Variants in RBFOX1 observed in about 807,000 individuals in gnomAD.
The protein encoded by RBFOX1 is RNA binding fox-1 homolog 1.
In RBFOX1, 8 loss-of-function variants were observed where a neutral mutation model predicts 57.7. That is an observed-to-expected ratio of 0.14 (90% CI 0.08 to 0.25). The LOEUF (loss-of-function observed/expected upper bound fraction) is 0.25. Among genes scored for constraint, RBFOX1 ranks in the 10% least tolerant of loss-of-function variants. The probability of loss-of-function intolerance (pLI) is 1.00; values close to 1 mark genes in which losing one functional copy is unlikely to be tolerated. For synonymous variants in RBFOX1, 326 were observed against 222.4 expected (o/e 1.47, Z -4.15); for missense variants, 611 against 548.5 (o/e 1.11, Z -1.14).
At chr16:7,044,911 G>A (rs1456464522) in intron 3 of RBFOX1, among the ~76,000 whole-genome samples, 2 of 152,106 alleles carry the variant, frequency 1.3e-5, no homozygotes, top group Non-Finnish European at 2.9e-5. Context: ...TTTTTTAAGA[G>A]CCTCATTAGT....
At chr16:5,333,328 C>T (rs1468581004) in intron 1 of RBFOX1, among the ~76,000 whole-genome samples, 1 of 152,212 alleles carries the variant, frequency 6.6e-6, no homozygotes, top group African/African-American at 2.4e-5. Context: ...CATGGTCACG[C>T]CCATTCGTTT....
At chr16:7,704,380 G>C (rs1004496652) in intron 14 of RBFOX1, among the ~76,000 whole-genome samples, 1 of 152,172 alleles carries the variant, frequency 6.6e-6, no homozygotes, top group Non-Finnish European at 1.5e-5. Flanking sequence ...TCACAGAAAT[G>C]ATGTAAAAAG....
At chr16:6,933,587 C>A (rs1027551844) in intron 3 of RBFOX1, among the ~76,000 whole-genome samples, 1 of 152,150 alleles carries the variant, frequency 6.6e-6, no homozygotes, top group Admixed American at 6.5e-5. Flanking sequence ...GTGGCAAGCA[C>A]CTGTCATCCC....
chr16:6,106,555 G>A (rs898509558), intron 1 of RBFOX1, among the ~76,000 whole-genome samples: 1 of 151,786 alleles, frequency 6.6e-6, no homozygotes, highest in Admixed American at 6.6e-5. Flanking sequence ...GACCTTCAAT[G>A]AGACGGTCAT....
In RBFOX1 at chr16:6,019,441, G is replaced by T; in HGVS notation, c.-678G>T. On this transcript the variant is annotated 5_prime_UTR_variant, in exon 1 of 16. Transcript: ENST00000550418. The surrounding 1 kb of genome is among the most constrained non-coding windows in gnomAD (Gnocchi z 4.2). The stretch of plus-strand genomic sequence containing the variant: ...GCGGACGGAGCCCAGGGGCCGCGTC[G>T]GGTGGGGAAACCCGAACTCGCGGAG... 2 of 989,672 alleles carry T rather than the reference G, an allele frequency of 2.0e-6. No individual in the cohort carries two copies. Among genetic ancestry groups the T allele is most frequent in the Non-Finnish European group, 2.4e-6 (2 of 833,048 alleles). The allele number at this position is 989,672 out of a possible 1,614,324, so 61.3% of individuals were successfully genotyped here.
intron 4 of RBFOX1, among the ~76,000 whole-genome samples, chr16:7,330,862 C>A (rs571322356): frequency 1.3e-5 from 2 of 152,134 alleles, no homozygotes; most frequent in Non-Finnish European, 2.9e-5. Flanking sequence ...GGGAGAGACA[C>A]GTCCGTCTCA....
intron 2 of RBFOX1, among the ~76,000 whole-genome samples, chr16:6,415,308 A>G (rs1426120095): frequency 6.6e-6 from 1 of 151,702 alleles, no homozygotes; most frequent in Non-Finnish European, 1.5e-5. Context: ...ACAGGGTACT[A>G]GTGTTACCCC....
At chr16:7,124,717 A>G (rs566265133) in intron 4 of RBFOX1, among the ~76,000 whole-genome samples, 13 of 152,036 alleles carry the variant, frequency 8.6e-5, no homozygotes, top group African/African-American at 2.7e-4. Flanking sequence ...AAAAGACTCT[A>G]TATCACATAC....
intron 4 of RBFOX1, among the ~76,000 whole-genome samples, chr16:7,276,749 G>T (rs377734621): frequency 6.6e-6 from 1 of 152,076 alleles, no homozygotes; most frequent in Admixed American, 6.5e-5. Flanking sequence ...TCCCACCTAC[G>T]TTAAGACTGA....
chr16:6,568,915 G>A (rs2097305267), intron 2 of RBFOX1, among the ~76,000 whole-genome samples: 1 of 152,088 alleles, frequency 6.6e-6, no homozygotes, highest in Non-Finnish European at 1.5e-5. Flanking sequence ...TGGGAGTACA[G>A]GCACGTGCCA....
intron 3 of RBFOX1, among the ~76,000 whole-genome samples, chr16:5,664,220 C>T (rs1201252453): frequency 6.6e-6 from 1 of 152,268 alleles, no homozygotes; most frequent in Non-Finnish European, 1.5e-5. Flanking sequence ...GTTCTCGAGC[C>T]AAGCTGTGCA....
At position 6,240,450 on chromosome 16, in the gene RBFOX1, A is replaced by C. The variant is rs376938711; in HGVS notation, c.-126-76545A>C. Among the ~76,000 whole-genome samples the C allele has an allele frequency of 9.1e-4, 139 of 152,148 alleles. 1 individual carries two copies. The highest frequency in any genetic ancestry group is 3.4e-3 in the Middle Eastern group (1 of 294). ...CAGATTAGTTGATGCATGGTGAGGGAGTGAACCTTCCTCCCCTCCTTGCTT... is the reference window on the plus strand; with the variant it reads ...CAGATTAGTTGATGCATGGTGAGGGCGTGAACCTTCCTCCCCTCCTTGCTT... On this transcript the variant is annotated intron_variant, in intron 1 of 15. Transcript: ENST00000550418.
chr16:5,745,741 T>C (rs1213531737), intron 3 of RBFOX1, among the ~76,000 whole-genome samples: 1 of 152,246 alleles, frequency 6.6e-6, no homozygotes, highest in African/African-American at 2.4e-5. Flanking sequence ...AAATGTCTTC[T>C]TTTGAGAAGT....
At chr16:5,851,784 G>A (rs1398801394) in intron 3 of RBFOX1, among the ~76,000 whole-genome samples, 2 of 152,186 alleles carry the variant, frequency 1.3e-5, no homozygotes, top group Non-Finnish European at 2.9e-5. Context: ...CAGGAAAACC[G>A]CAAGTTTAGC....
chr16:5,349,893 T>G (rs2091526), intron 1 of RBFOX1, among the ~76,000 whole-genome samples: 1 of 152,128 alleles, frequency 6.6e-6, no homozygotes, highest in Admixed American at 6.5e-5. Flanking sequence ...GAAACACATG[T>G]GCACCATCCA....
chr16:7,207,575 C>CA (rs144297415), intron 4 of RBFOX1, among the ~76,000 whole-genome samples: 1,527 of 152,266 alleles, frequency 0.01, 10 homozygotes, highest in Non-Finnish European at 0.015. Context: ...GATCTTGCCA[C>CA]AAAAAATAAT....
chr16:5,952,340 G>A (rs1381202376), intron 4 of RBFOX1, among the ~76,000 whole-genome samples: 1 of 150,298 alleles, frequency 6.7e-6, no homozygotes, highest in Non-Finnish European at 1.5e-5. Flanking sequence ...TCGTAGAGAT[G>A]GGGTTTCACC....
chr16:7,370,834 G>C (rs2097551759), intron 4 of RBFOX1, among the ~76,000 whole-genome samples: 1 of 152,172 alleles, frequency 6.6e-6, no homozygotes, highest in Non-Finnish European at 1.5e-5. Context: ...TTAGTCTTTG[G>C]TAGGCATGAT....
chr16:5,975,688 C>T (rs528179750), intron 4 of RBFOX1, among the ~76,000 whole-genome samples: 1 of 152,146 alleles, frequency 6.6e-6, no homozygotes, highest in African/African-American at 2.4e-5. Flanking sequence ...GTTGGAGGAG[C>T]TCCTAGCATA....
Sources: allele counts gnomAD v4.1 joint callset (sites outside exome capture counted in the v4.1 genomes callset), GRCh38; gene constraint gnomAD v4.1.1; non-coding constraint Gnocchi (gnomAD v3.1); transcripts MANE v1.5; gene names NCBI Gene and HGNC (gene_info 2026-07-23, HGNC 2026-07-21).